DLGAP2: variants seen among roughly 807,000 people sequenced by gnomAD.
DLGAP2 encodes the protein DLG associated protein 2.
In DLGAP2, 26 loss-of-function variants were observed where a neutral mutation model predicts 100.3. The observed-to-expected ratio is 0.26, with a 90% CI of 0.19 to 0.36. The LOEUF is 0.36. Among genes scored for constraint, DLGAP2 ranks in the 10% least tolerant of loss-of-function variants. The probability of loss-of-function intolerance (pLI) is 1.00; values close to 1 mark genes in which losing one functional copy is unlikely to be tolerated. For synonymous variants in DLGAP2, 886 were observed against 630.1 expected (o/e 1.41, Z -6.08); for missense variants, 1,858 against 1,453.2 (o/e 1.28, Z -4.53).
At chr8:875,438 G>A (rs571892023) in intron 1 of DLGAP2, among the ~76,000 whole-genome samples, 108 of 152,246 alleles carry the variant, frequency 7.1e-4, no homozygotes, top group African/African-American at 2.5e-3. Context: ...TGCTATTCTC[G>A]TGATAGTAAG....
At chr8:1,127,179 G>A (rs971566227) in intron 2 of DLGAP2, among the ~76,000 whole-genome samples, 7 of 150,520 alleles carry the variant, frequency 4.7e-5, no homozygotes, top group Non-Finnish European at 7.4e-5. Context: ...GCTCTTAAAC[G>A]GTCCTTCTGC....
chr8:1,210,644 G>A (rs1271263421), intron 2 of DLGAP2, among the ~76,000 whole-genome samples: 5 of 152,186 alleles, frequency 3.3e-5, no homozygotes, highest in Non-Finnish European at 2.9e-5. Context: ...TCTTGCCATG[G>A]CTACTGCCTT....
intron 3 of DLGAP2, among the ~76,000 whole-genome samples, chr8:1,278,919 G>A (rs761405467): frequency 1.7e-4 from 26 of 152,304 alleles, no homozygotes; most frequent in African/African-American, 5.8e-4. Context: ...ATGTCCTTCA[G>A]ATTGTTGAAC....
At chr8:780,564 T>G (rs549697138) in intron 1 of DLGAP2, among the ~76,000 whole-genome samples, 3 of 152,292 alleles carry the variant, frequency 2.0e-5, no homozygotes, top group African/African-American at 7.2e-5. Context: ...TCCACAGCAT[T>G]TCACTAATTT....
intron 2 of DLGAP2, among the ~76,000 whole-genome samples, chr8:1,040,204 G>T (rs1585004088): frequency 7.0e-6 from 1 of 142,490 alleles, no homozygotes; most frequent in African/African-American, 2.9e-5. Context: ...CAGTGTGCGT[G>T]GTCAGCTCGG....
At chr8:1,155,321 T>C (rs970419461) in intron 2 of DLGAP2, among the ~76,000 whole-genome samples, 19 of 152,126 alleles carry the variant, frequency 1.2e-4, no homozygotes, top group African/African-American at 3.9e-4. Flanking sequence ...TTGGCCTCTC[T>C]GGAAAGTCCC....
chr8:1,332,524 A>G (rs527267948), intron 3 of DLGAP2, among the ~76,000 whole-genome samples: 3 of 152,250 alleles, frequency 2.0e-5, no homozygotes, highest in South Asian at 4.1e-4. Flanking sequence ...CGTGTGTGTC[A>G]TTGTGCACAC....
intron 3 of DLGAP2, among the ~76,000 whole-genome samples, chr8:1,466,261 G>C (rs1419304662): frequency 1.3e-5 from 2 of 152,028 alleles, no homozygotes; most frequent in Non-Finnish European, 2.9e-5. Flanking sequence ...TTATCATTTG[G>C]ACTTGAATGG....
chr8:1,658,756 A>G (rs1320068568), intron 8 of DLGAP2, among the ~76,000 whole-genome samples: 2 of 152,124 alleles, frequency 1.3e-5, no homozygotes, highest in Non-Finnish European at 2.9e-5. Context: ...TAGTCTGGCT[A>G]CCGGTCCATG....
chr8:1,565,566 A>C lies in DLGAP2; in HGVS notation c.1231-117A>C, dbSNP rs73671226. 1,503 of 753,522 alleles carry C rather than the reference A, an allele frequency of 2.0e-3. 15 individuals carry two copies. The African/African-American group carries it at 0.024, about 12-fold the overall frequency. 46.7% of individuals were successfully genotyped at this position (753,522 alleles called of 1,614,324 possible). ...TTATACATCTGACTTTAACTGATAA[A>C]TGACTGTAAAGAGGTGTATCTTTAT... On this transcript the variant is annotated intron_variant, in intron 5 of 14. Coordinates refer to ENST00000637795, the MANE Select transcript of DLGAP2 (RefSeq NM_001346810.2).
At chr8:1,086,283 C>CTA (rs1803971183) in intron 2 of DLGAP2, among the ~76,000 whole-genome samples, 1 of 152,078 alleles carries the variant, frequency 6.6e-6, no homozygotes, top group Admixed American at 6.5e-5. Context: ...CAGCATAGGA[C>CTA]TTCTAGTACT....
In DLGAP2 at chr8:1,554,201, T is replaced by A. The variant is rs544478059; in HGVS notation, c.1230+4518T>A. Among the ~76,000 whole-genome samples the A allele has an allele frequency of 5.3e-5, 8 of 152,192 alleles. No homozygotes were observed. The South Asian group carries it at 8.3e-4, about 16-fold the overall frequency. Reference sequence around the variant, plus strand: ...TACTCAGGAGGCCAAGGGCTGAGAATTGGTTGAACGTGGGAGGTGGAGGTT... The same window carrying A: ...TACTCAGGAGGCCAAGGGCTGAGAAATGGTTGAACGTGGGAGGTGGAGGTT... On this transcript the variant is annotated intron_variant, in intron 5 of 14. Transcript: ENST00000637795.
At chr8:1,451,912 G>T (rs1798170625) in intron 3 of DLGAP2, among the ~76,000 whole-genome samples, 1 of 152,244 alleles carries the variant, frequency 6.6e-6, no homozygotes, top group Admixed American at 6.5e-5. Context: ...ACACGGCCCA[G>T]GCCCCACACC....
chr8:1,054,139 A>G (rs1306181969), intron 2 of DLGAP2, among the ~76,000 whole-genome samples: 1 of 151,700 alleles, frequency 6.6e-6, no homozygotes, highest in Non-Finnish European at 1.5e-5. Flanking sequence ...CTTCCTATAG[A>G]TTTTTCCTCT....
chr8:1,651,715 GGGGAAGAT>G (rs1367163020), intron 8 of DLGAP2, among the ~76,000 whole-genome samples: 1 of 152,210 alleles, frequency 6.6e-6, no homozygotes, highest in Non-Finnish European at 1.5e-5. Flanking sequence ...TGAAATAACA[GGGGAAGAT>G]GTCTGACTTA....
chr8:1,372,713 CAG>C (rs1222515008), intron 3 of DLGAP2, among the ~76,000 whole-genome samples: 1 of 152,174 alleles, frequency 6.6e-6, no homozygotes, highest in Non-Finnish European at 1.5e-5. Flanking sequence ...AGAGGAAGAT[CAG>C]AGAGAGATAA....
chr8:1,384,520 A>G (rs1266594920), intron 3 of DLGAP2, among the ~76,000 whole-genome samples: 1 of 111,078 alleles, frequency 9.0e-6, no homozygotes, highest in Non-Finnish European at 1.9e-5. Context: ...CCGGCCCCTG[A>G]GAACTTGGTG....
chr8:821,476 C>G (rs541188912), intron 1 of DLGAP2, among the ~76,000 whole-genome samples: 1 of 152,140 alleles, frequency 6.6e-6, no homozygotes, highest in Non-Finnish European at 1.5e-5. Context: ...TAATTTCATG[C>G]ATTAGTATGC....
intron 3 of DLGAP2, among the ~76,000 whole-genome samples, chr8:1,359,412 T>C (rs1372041152): frequency 6.6e-6 from 1 of 152,240 alleles, no homozygotes; most frequent in Admixed American, 6.5e-5. Context: ...ACAGTTTTCT[T>C]TTTTAAAACA....
Sources: allele counts gnomAD v4.1 joint callset (sites outside exome capture counted in the v4.1 genomes callset), GRCh38; gene constraint gnomAD v4.1.1; transcripts MANE v1.5; gene names NCBI Gene and HGNC (gene_info 2026-07-23, HGNC 2026-07-21).